The following ZBTB25 variants were observed in gnomAD, a reference collection of about 807,000 sequenced individuals.
ZBTB25 encodes zinc finger and BTB domain-containing protein 25.
ZBTB25 carries 20 observed loss-of-function variants against 34.2 expected under a neutral mutation model. That is an observed-to-expected ratio of 0.58 (90% CI 0.41 to 0.85). The LOEUF is 0.85. Among genes scored for constraint, ZBTB25 ranks in the 40% least tolerant of loss-of-function variants. The probability of loss-of-function intolerance (pLI) is 0.00; values close to 1 mark genes in which losing one functional copy is unlikely to be tolerated. For synonymous variants in ZBTB25, 175 were observed against 186.4 expected (o/e 0.94, Z 0.50); for missense variants, 437 against 521.8 (o/e 0.84, Z 1.58).
chr14:64,499,124 C>T (rs10142879), intron 1 of ZBTB25, among the ~76,000 whole-genome samples: 34,938 of 152,034 alleles, frequency 0.23, 4,656 homozygotes, highest in Non-Finnish European at 0.31. Flanking sequence ...TTAGTTCAAA[C>T]TAAGTAAGAT....
At chr14:64,475,646 G>A (rs1422605181), downstream of ZBTB25, among the ~76,000 whole-genome samples, 3 of 152,040 alleles carry the variant, frequency 2.0e-5, no homozygotes, top group African/African-American at 7.2e-5. Context: ...TGGGGGTTAA[G>A]TTCCCGAGCT....
intron 1 of ZBTB25, chr14:64,503,029 C>T (rs1212342179): frequency 4.1e-6 from 4 of 985,234 alleles, no homozygotes; most frequent in Non-Finnish European, 4.8e-6. Context: ...CCGTCAGGTT[C>T]CAGGTACTAC....
intron 1 of ZBTB25, among the ~76,000 whole-genome samples, chr14:64,493,314 C>T (rs754434422): frequency 2.6e-5 from 4 of 152,170 alleles, no homozygotes; most frequent in Non-Finnish European, 5.9e-5. Flanking sequence ...TTACTAGCTG[C>T]GTGGTCTTGG....
intron 2 of ZBTB25, chr14:64,457,909 GTTTA>G: frequency 2.2e-6 from 1 of 448,330 alleles, no homozygotes; most frequent in Non-Finnish European, 4.0e-6. Context: ...ATGACTTTAC[GTTTA>G]TTTTAGACAT....
chr14:64,485,854 G>GAA lies in ZBTB25; in HGVS notation c.*1067_*1068dup. The stretch of plus-strand genomic sequence containing the variant: ...TCAAATTACTTTTTAAGGTGTCTAA[G>GAA]AAAACACTCTAGACCAAGTTAACAA... On this transcript the variant is annotated 3_prime_UTR_variant, in exon 3 of 3. Coordinates refer to ENST00000608382, the MANE Select transcript of ZBTB25 (RefSeq NM_006977.5). 4.8e-5 allele frequency: 47 copies of GAA among 985,362 alleles called. No homozygotes were observed. Among genetic ancestry groups the GAA allele is most frequent in the Non-Finnish European group, 5.7e-5 (47 of 829,896 alleles). 61.0% of individuals were successfully genotyped at this position (985,362 alleles called of 1,614,324 possible).
chr14:64,465,549 C>T (rs1171234875), intron 2 of ZBTB25: 1 of 152,060 alleles, frequency 6.6e-6, no homozygotes, highest in Admixed American at 6.5e-5. Flanking sequence ...GAGGCCTGGG[C>T]GGCGGGCCCC....
At chr14:64,458,194 A>T in intron 2 of ZBTB25, 1 of 1,560,648 alleles carries the variant, frequency 6.4e-7, no homozygotes, top group Non-Finnish European at 8.8e-7. Flanking sequence ...GTTTATTTGT[A>T]ATGCTTTTTT....
chr14:64,499,829 T>C (rs2079424646), intron 1 of ZBTB25, among the ~76,000 whole-genome samples: 1 of 152,208 alleles, frequency 6.6e-6, no homozygotes. Context: ...TAAGATCTAC[T>C]GAGAATGTTA....
At chr14:64,475,474 A>T (rs1230100957), downstream of ZBTB25, among the ~76,000 whole-genome samples, 2 of 88,298 alleles carry the variant, frequency 2.3e-5, no homozygotes, top group East Asian at 5.7e-4. Flanking sequence ...CTTGGTTTAA[A>T]AAAAAAAAAA....
chr14:64,482,554 T>C lies in ZBTB25; in HGVS notation c.*4369A>G, dbSNP rs559464843. On this transcript the variant is annotated 3_prime_UTR_variant, in exon 3 of 3. Coordinates refer to ENST00000608382, the MANE Select transcript of ZBTB25 (RefSeq NM_006977.5). The stretch of plus-strand genomic sequence containing the variant: ...GGAGAACTTTCAATAAAGCTGAAAT[T>C]GACAAAGTTTTATTCCCAATAATGC... The C allele has an allele frequency of 1.3e-5, 2 of 152,378 alleles. No individual in the cohort carries two copies. The highest frequency in any genetic ancestry group is 4.8e-5 in the African/African-American group (2 of 41,590). The allele number at this position is 152,378 out of a possible 1,614,324, so 9.4% of individuals were successfully genotyped here. A position where few individuals can be genotyped will look rare whatever the true frequency, so the allele number is the denominator to read the frequency against.
intron 2 of ZBTB25, chr14:64,472,531 G>C (rs537392273): frequency 1.2e-5 from 2 of 166,914 alleles, no homozygotes; most frequent in African/African-American, 2.4e-5. Flanking sequence ...AGAATGTACT[G>C]ATTGTTTTTA....
rs2078738772 is a variant in ZBTB25, at chr14:64,478,309, T to C, written c.*8614A>G. The C allele has an allele frequency of 6.6e-6, 1 of 152,180 alleles. No individual in the cohort carries two copies. The highest frequency in any genetic ancestry group is 2.1e-4 in the South Asian group (1 of 4,826). 9.4% of individuals were successfully genotyped at this position (152,180 alleles called of 1,614,324 possible). A position where few individuals can be genotyped will look rare whatever the true frequency, so the allele number is the denominator to read the frequency against. Reference sequence around the variant, plus strand: ...CTTAGTATTGGAAGGTGAGAAGAGCTGAAGGTAAGAAAACTCTTAACTTAT... The same window carrying C: ...CTTAGTATTGGAAGGTGAGAAGAGCCGAAGGTAAGAAAACTCTTAACTTAT... On this transcript the variant is annotated 3_prime_UTR_variant, in exon 3 of 3. Coordinates refer to ENST00000608382, the MANE Select transcript of ZBTB25 (RefSeq NM_006977.5).
At chr14:64,501,663 C>G (rs758292412) in intron 1 of ZBTB25, among the ~76,000 whole-genome samples, 1 of 152,222 alleles carries the variant, frequency 6.6e-6, no homozygotes, top group Non-Finnish European at 1.5e-5. Context: ...GTTGGTCAGG[C>G]ACCACCTACG....
intron 2 of ZBTB25, among the ~76,000 whole-genome samples, chr14:64,459,379 T>C (rs2281603): frequency 0.2 from 30,665 of 152,152 alleles, 3,698 homozygotes; most frequent in East Asian, 0.35. Flanking sequence ...TAGAAAAAGC[T>C]AGAAAAGACA....
Position 64,487,047 on chromosome 14 carries a change from T to C in ZBTB25, c.1184A>G (p.Tyr395Cys). ...GGAGACATCAGACCAGCTGTCACAGTATGGCTGAAATCTCTGGGCCAATGC... is the reference window on the plus strand; with the variant it reads ...GGAGACATCAGACCAGCTGTCACAGCATGGCTGAAATCTCTGGGCCAATGC... ...GNALAQRFQP[Y>C]CDSWSDVSLK... Residue 395 changes from tyrosine to cysteine, a missense_variant, in exon 3 of 3, where the codon TAC (tyrosine) becomes TGC (cysteine). Physicochemically the swap from Tyr to Cys is radical, Grantham distance 194. Coordinates refer to ENST00000608382, the MANE Select transcript of ZBTB25 (RefSeq NM_006977.5). 6.2e-7 allele frequency: 1 copy of C among 1,614,190 alleles called. No individual in the cohort carries two copies. Among genetic ancestry groups the C allele is most frequent in the South Asian group, 1.1e-5 (1 of 91,078 alleles).
At chr14:64,459,600 G>A (rs2078529786) in intron 2 of ZBTB25, among the ~76,000 whole-genome samples, 1 of 152,196 alleles carries the variant, frequency 6.6e-6, no homozygotes, top group South Asian at 2.1e-4. Flanking sequence ...TCATTTTCAA[G>A]TCCATTTATG....
chr14:64,455,840 A>G (rs766552674), intron 2 of ZBTB25, among the ~76,000 whole-genome samples: 4 of 152,226 alleles, frequency 2.6e-5, no homozygotes, highest in Non-Finnish European at 5.9e-5. Context: ...CTCACACTGT[A>G]GGCAACATCA....
In ZBTB25 at chr14:64,486,095, C is replaced by T; in HGVS notation, c.*828G>A. On this transcript the variant is annotated 3_prime_UTR_variant, in exon 3 of 3. Transcript: ENST00000608382. ...CGGGCAGATGACGAGGTCAGGAGAT[C>T]GAGACCATCCTGGCTAACACGGTGA... The T allele has an allele frequency of 2.5e-6, 2 of 791,684 alleles. No individual in the cohort carries two copies. The highest frequency in any genetic ancestry group is 5.8e-5 in the South Asian group (1 of 17,286). The allele number at this position is 791,684 out of a possible 1,614,324, so 49.0% of individuals were successfully genotyped here.
chr14:64,486,564 T>C lies in ZBTB25; in HGVS notation c.*359A>G. ...TAGGCAGAAGTGATAGTTTAGAATA[T>C]GCTTTAAAACAGATTTCATTTACTT... On this transcript the variant is annotated 3_prime_UTR_variant, in exon 3 of 3. Coordinates refer to ENST00000608382, the MANE Select transcript of ZBTB25 (RefSeq NM_006977.5). 3.2e-6 allele frequency: 3 copies of C among 946,130 alleles called. No individual in the cohort carries two copies. Among genetic ancestry groups the C allele is most frequent in the Non-Finnish European group, 3.8e-6 (3 of 790,306 alleles). 58.6% of individuals were successfully genotyped at this position (946,130 alleles called of 1,614,324 possible). A position where few individuals can be genotyped will look rare whatever the true frequency, so the allele number is the denominator to read the frequency against.
Sources: gnomAD v4.1 joint callset for allele counts (sites outside exome capture counted in the v4.1 genomes callset) on GRCh38, gnomAD v4.1.1 for gene constraint, MANE v1.5 for transcripts, NCBI Gene and HGNC (gene_info 2026-07-23, HGNC 2026-07-21) for gene names.